FTCD: variants seen among roughly 807,000 people sequenced by gnomAD.
FTCD encodes the protein formimidoyltransferase-cyclodeaminase.
FTCD carries 76 observed loss-of-function variants against 62.9 expected under a neutral mutation model. The ratio of observed to expected loss-of-function variants is 1.21; its 90% CI spans 1.00 to 1.46. FTCD has a LOEUF of 1.46. Among genes scored for constraint, FTCD ranks in the 40% most tolerant of loss-of-function variants. The pLI, the probability that FTCD is intolerant of heterozygous loss-of-function variation, is 0.00. For missense variants in FTCD, 845 were observed against 751.3 expected, an observed-to-expected ratio of 1.12 and a Z score of -1.46; for synonymous variants, 397 against 336.9, an observed-to-expected ratio of 1.18 and a Z score of -1.95.
intron 7 of FTCD, among the ~76,000 whole-genome samples, chr21:46,149,410 C>G (rs1033487305): frequency 6.6e-6 from 1 of 152,220 alleles, no homozygotes; most frequent in Non-Finnish European, 1.5e-5. Context: ...CGAGACTAAA[C>G]AAGGACGGAA....
In FTCD at chr21:46,146,379, G is replaced by A. The variant is rs747437548; in HGVS notation, c.907-52C>T. The A allele has an allele frequency of 8.7e-6, 11 of 1,258,816 alleles. No homozygotes were observed. In the South Asian group the frequency reaches 1.3e-4, roughly 15 times the overall value. The allele number at this position is 1,258,816 out of a possible 1,614,324, so 78.0% of individuals were successfully genotyped here. Reference sequence around the variant, plus strand: ...GGCCTCGGCGCGTCTCCACCACCAGGAAAGCCTCGGAACCCGCGGGTCCCA... The same window carrying A: ...GGCCTCGGCGCGTCTCCACCACCAGAAAAGCCTCGGAACCCGCGGGTCCCA... On this transcript the variant is annotated intron_variant, in intron 7 of 13. Transcript: ENST00000397746.
At chr21:46,142,391 CGT>C (rs1200753727) in intron 10 of FTCD, 1 of 129,316 alleles carries the variant, frequency 7.7e-6, no homozygotes, top group Admixed American at 7.5e-5. Flanking sequence ...TCTTCCTCCC[CGT>C]GAGGCCGCCG....
At chr21:46,150,025 A>C (rs2079228814) in intron 7 of FTCD, 94 bp downstream of exon 7, 1 of 1,155,078 alleles carries the variant, frequency 8.7e-7, no homozygotes, top group South Asian at 1.3e-5. Flanking sequence ...GAGGAGGGGG[A>C]GGGAAGCTGC....
chr21:46,155,509 C>T lies in FTCD; in HGVS notation c.15G>A (p.Val5=). Reference sequence around the variant, plus strand: ...CCTCCGAAAAGTTGGGGACGCATTCCACCAGCTGGGACATGGCCAGCACCT... The same window carrying T: ...CCTCCGAAAAGTTGGGGACGCATTCTACCAGCTGGGACATGGCCAGCACCT... MSQL[V]ECVPNFSEGK... is the part of the protein sequence containing the mutation. The change falls in exon 1 of 14, where the codon GTG becomes GTA. Residue 5 remains valine (V), a synonymous_variant. Coordinates refer to ENST00000397746, the MANE Select transcript of FTCD (RefSeq NM_206965.2). The T allele has an allele frequency of 1.9e-6, 3 of 1,613,012 alleles. No homozygotes were observed. Among genetic ancestry groups the T allele is most frequent in the Non-Finnish European group, 2.5e-6 (3 of 1,179,934 alleles).
At position 46,136,810 on chromosome 21, in the gene FTCD, G is replaced by A. The variant is rs1170322585; in HGVS notation, c.*177C>T. On this transcript the variant is annotated 3_prime_UTR_variant, in exon 14 of 14. Transcript: ENST00000397746. The stretch of plus-strand genomic sequence containing the variant: ...GCCAAAACTTTACTGGAGGTCACAT[G>A]GGACTAGGGGCCTTCTGTCCCTGCC... 2 of 1,539,726 alleles carry A rather than the reference G, an allele frequency of 1.3e-6. No individual in the cohort carries two copies. The highest frequency in any genetic ancestry group is 2.5e-5 in the East Asian group (1 of 40,778).
At chr21:46,152,064 TCCA>T (rs1422226785) in intron 3 of FTCD, 84 bp from the exon 4 acceptor site, 4 of 967,092 alleles carry the variant, frequency 4.1e-6, no homozygotes, top group South Asian at 2.9e-5. Flanking sequence ...AGGGGCTCCC[TCCA>T]GCCTAACCCA....
At chr21:46,138,813 C>A in intron 11 of FTCD, 67 bp downstream of exon 11, 1 of 1,477,976 alleles carries the variant, frequency 6.8e-7, no homozygotes, top group South Asian at 1.1e-5. Context: ...CACCCAGGTA[C>A]TCGGGATCCT....
chr21:46,150,153 AGGTTCTCCTTCTCGCAGT>A lies in FTCD; in HGVS notation c.854_871del (p.Tyr285_Leu291delinsPhe). On this transcript the variant is annotated inframe_deletion, in exon 7 of 14. Coordinates refer to ENST00000397746, the MANE Select transcript of FTCD (RefSeq NM_206965.2). ...CCGCTGCTCCTCCTCCAGGATGAAG[AGGTTCTCCTTCTCGCAGT>A]AGAAGGCGGCCGCATCCAGCAGAGC... The A allele has an allele frequency of 6.2e-7, 1 of 1,610,844 alleles. No homozygotes were observed.
Position 46,138,649 on chromosome 21 carries a change from G to C in FTCD, c.1305-3C>G. ...CCTCCTGTAGGGCCGCCGTGCGCCT[G>C]AAAGGAGCAAGAGGAGAGCCTGAGC... On this transcript the variant is annotated splice_region_variant and splice_polypyrimidine_tract_variant and intron_variant, in intron 11 of 13. Transcript: ENST00000397746. 4 of 1,595,980 alleles carry C rather than the reference G, an allele frequency of 2.5e-6. No individual in the cohort carries two copies. The highest frequency in any genetic ancestry group is 3.4e-6 in the Non-Finnish European group (4 of 1,178,000).
chr21:46,149,494 A>C (rs1039613373), intron 7 of FTCD, among the ~76,000 whole-genome samples: 2 of 152,232 alleles, frequency 1.3e-5, no homozygotes, highest in African/African-American at 4.8e-5. Context: ...AGTTAAGTGG[A>C]TTGTGCTTAT....
rs1010026593 is a variant in FTCD at position 46,137,321 on chromosome 21, G to A, written c.1457C>T (p.Ala486Val). ...CRSDLQVAAK[A>V]LEMGVFGAYF... Reference sequence around the variant, plus strand: ...TGCGCCAAACACGCCCATCTCCAGGGCTTTGGCCGCCACCTGCAAGGACCC... The same window carrying A: ...TGCGCCAAACACGCCCATCTCCAGGACTTTGGCCGCCACCTGCAAGGACCC... Residue 486 changes from alanine to valine, a missense_variant, in exon 13 of 14, where the codon GCC (alanine) becomes GTC (valine). Physicochemically the swap from Ala to Val is moderately conservative, Grantham distance 64. Coordinates refer to ENST00000397746, the MANE Select transcript of FTCD (RefSeq NM_206965.2). 1.2e-6 allele frequency: 2 copies of A among 1,613,332 alleles called. No individual in the cohort carries two copies. The highest frequency in any genetic ancestry group is 2.2e-5 in the South Asian group (2 of 91,074).
At position 46,138,549 on chromosome 21, in the gene FTCD, G is replaced by A; in HGVS notation, c.1402C>T (p.Leu468=). ...VASLWPALQE[L]ARCGNLACRS... The stretch of plus-strand genomic sequence containing the variant: ...CAGGCCAGGTTCCCACACCGGGCCA[G>A]TTCCTGCAGGGCCGGCCACAGCGAG... The change falls in exon 12 of 14, where the codon CTG becomes TTG. Residue 468 remains leucine, a synonymous_variant. Transcript: ENST00000397746. The A allele has an allele frequency of 6.3e-7, 1 of 1,587,456 alleles. No homozygotes were observed. The highest frequency in any genetic ancestry group is 8.5e-7 in the Non-Finnish European group (1 of 1,173,796).
intron 5 of FTCD, among the ~76,000 whole-genome samples, chr21:46,151,081 G>C (rs1409542558): frequency 6.6e-6 from 1 of 152,198 alleles, no homozygotes; most frequent in East Asian, 1.9e-4. Context: ...ATGGGCAGGT[G>C]GTCCCCCCCG....
chr21:46,152,045 C>T (rs185303740), intron 3 of FTCD, 65 bp from the exon 4 acceptor site: 48 of 1,204,074 alleles, frequency 4.0e-5, no homozygotes, highest in South Asian at 1.4e-4. Flanking sequence ...TCCTGGAGGA[C>T]GCAGGTGGAG....
intron 7 of FTCD, chr21:46,146,591 A>C (rs2079153433): frequency 1.7e-6 from 1 of 571,928 alleles, no homozygotes; most frequent in Admixed American, 3.0e-5. Context: ...CCTGAGGCCC[A>C]GAGAAAGGAG....
chr21:46,144,031 AT>A (rs1409271527), intron 10 of FTCD, among the ~76,000 whole-genome samples: 1 of 152,090 alleles, frequency 6.6e-6, no homozygotes, highest in African/African-American at 2.4e-5. Flanking sequence ...TAAAAAGAGG[AT>A]TAAAAAAAAT....
At chr21:46,143,216 T>A (rs2079058854) in intron 10 of FTCD, among the ~76,000 whole-genome samples, 1 of 151,774 alleles carries the variant, frequency 6.6e-6, no homozygotes, top group Non-Finnish European at 1.5e-5. Flanking sequence ...GGGCTGGGGG[T>A]CTTGTGGCCC....
intron 11 of FTCD, 35 bp from the exon 12 acceptor site, chr21:46,138,681 G>GCC (rs765377200): frequency 6.3e-7 from 1 of 1,589,208 alleles, no homozygotes; most frequent in South Asian, 1.1e-5. Flanking sequence ...GAGCACAGCG[G>GCC]CACACACAGG....
chr21:46,154,001 G>A (rs998495655), intron 2 of FTCD, 148 bp downstream of exon 2: 5 of 808,414 alleles, frequency 6.2e-6, no homozygotes, highest in African/African-American at 5.1e-5. Flanking sequence ...ACACTCCAGG[G>A]TCCTCCTAGG....
Sources: allele counts gnomAD v4.1 joint callset (sites outside exome capture counted in the v4.1 genomes callset), GRCh38; gene constraint gnomAD v4.1.1; transcripts MANE v1.5; gene names NCBI Gene and HGNC (gene_info 2026-07-23, HGNC 2026-07-21).